The following TTLL7 variants were observed in gnomAD, a reference collection of about 807,000 sequenced individuals.
TTLL7 encodes tubulin polyglutamylase TTLL7.
A neutral mutation model predicts 120.2 loss-of-function variants in TTLL7; 53 were observed. That is an observed-to-expected ratio of 0.44 (90% CI 0.35 to 0.55). The LOEUF is 0.55. TTLL7 is among the 20% of genes least tolerant of loss of function. The pLI is 0.00. For synonymous variants in TTLL7, 353 were observed against 351.7 expected (o/e 1.00, Z -0.04); for missense variants, 803 against 1,054.7 (o/e 0.76, Z 3.31).
intron 1 of TTLL7, chr1:83,980,684 A>G (rs1029975311): frequency 6.6e-6 from 1 of 152,232 alleles, no homozygotes; most frequent in African/African-American, 2.4e-5. Flanking sequence ...TGAGATCTTC[A>G]GAAAGGAAAG....
chr1:83,905,311 T>G (rs1227250785), intron 17 of TTLL7, among the ~76,000 whole-genome samples: 1 of 151,842 alleles, frequency 6.6e-6, no homozygotes, highest in East Asian at 1.9e-4. Flanking sequence ...TTGGGGGCTT[T>G]GCTTATGACT....
chr1:83,986,373 A>T (rs1652439978), intron 1 of TTLL7, among the ~76,000 whole-genome samples: 1 of 152,218 alleles, frequency 6.6e-6, no homozygotes, highest in South Asian at 2.1e-4. Flanking sequence ...AAAATCATAC[A>T]TCCATATCAA....
chr1:83,883,982 A>G (rs1654742939), intron 19 of TTLL7, among the ~76,000 whole-genome samples: 1 of 151,842 alleles, frequency 6.6e-6, no homozygotes, highest in African/African-American at 2.4e-5. Flanking sequence ...AGCTTATTCC[A>G]AAGCAGGTAA....
At chr1:83,906,569 C>A in intron 16 of TTLL7, 106 bp from the exon 17 acceptor site, 1 of 1,517,450 alleles carries the variant, frequency 6.6e-7, no homozygotes, top group African/African-American at 1.4e-5. Flanking sequence ...TAACTGAAAA[C>A]AATAACAATG....
rs1336137516 is a variant in TTLL7 at position 83,942,484 on chromosome 1, A to G, written c.702T>C (p.Ile234=). ...GLVRMGTEKY[I]PPNESNLTQL... Reference sequence around the variant, plus strand: ...TTACCAAATTGGACTCATTAGGTGGAATGTACTTCTCTGTACCCATTCGCA... The same window carrying G: ...TTACCAAATTGGACTCATTAGGTGGGATGTACTTCTCTGTACCCATTCGCA... The change falls in exon 7 of 21, where the codon ATT becomes ATC. Residue 234 remains isoleucine (I), a synonymous_variant. Transcript: ENST00000260505. The G allele has an allele frequency of 6.2e-7, 1 of 1,613,882 alleles. No homozygotes were observed. Among genetic ancestry groups the G allele is most frequent in the South Asian group, 1.1e-5 (1 of 91,062 alleles).
At chr1:83,998,467 G>C (rs920438169) in intron 1 of TTLL7, among the ~76,000 whole-genome samples, 2 of 152,230 alleles carry the variant, frequency 1.3e-5, no homozygotes, top group Non-Finnish European at 2.9e-5. Flanking sequence ...GAGAAAGTGA[G>C]AGGTACCTAC....
chr1:83,912,448 T>C (rs1249103918), intron 14 of TTLL7: 2 of 152,204 alleles, frequency 1.3e-5, no homozygotes, highest in African/African-American at 4.8e-5. Flanking sequence ...ACACACCATA[T>C]GCCTCCTATT....
Position 83,916,713 on chromosome 1 carries a change from T to C in TTLL7, c.1587+891A>G, listed in dbSNP as rs76214814. On this transcript the variant is annotated intron_variant, in intron 14 of 20. Transcript: ENST00000260505. ...GAGATAGCATAGTAATTCTGAAATA[T>C]AAATGGAATAGAATGAAAAAAAAAT... is the stretch of plus-strand genomic sequence containing the variant. 3.0e-3 allele frequency among the ~76,000 whole-genome samples: 459 copies of C among 152,120 alleles called. 2 individuals carry two copies. Among genetic ancestry groups the C allele is most frequent in the African/African-American group, 0.01 (425 of 41,498 alleles).
intron 15 of TTLL7, among the ~76,000 whole-genome samples, chr1:83,909,563 G>C (rs1657508101): frequency 6.6e-6 from 1 of 151,846 alleles, no homozygotes; most frequent in Non-Finnish European, 1.5e-5. Flanking sequence ...CAAAGTGAAA[G>C]ACTTGTTACA....
At position 83,865,677 on chromosome 1, in the gene TTLL7, G is replaced by C. The variant is rs375607724; in HGVS notation, c.*4285C>G. 1.3e-5 allele frequency: 2 copies of C among 151,932 alleles called. No homozygotes were observed. The allele number at this position is 151,932 out of a possible 1,614,324, so 9.4% of individuals were successfully genotyped here. On this transcript the variant is annotated 3_prime_UTR_variant, in exon 21 of 21. Coordinates refer to ENST00000260505, the MANE Select transcript of TTLL7 (RefSeq NM_024686.6). ...CAATAAACGCTTTTTTAGGCATAGA[G>C]GCTTCAACCTGGTTCTTAAAAATAA...
intron 19 of TTLL7, 127 bp downstream of exon 19, chr1:83,890,194 T>C: frequency 1.1e-6 from 1 of 941,108 alleles, no homozygotes; most frequent in Non-Finnish European, 1.6e-6. Flanking sequence ...AGTTGAGTAC[T>C]AAACATTACA....
At chr1:83,988,686 T>A (rs181065708) in intron 1 of TTLL7, among the ~76,000 whole-genome samples, 1 of 152,276 alleles carries the variant, frequency 6.6e-6, no homozygotes, top group African/African-American at 2.4e-5. Flanking sequence ...CATCTTCTTT[T>A]GAGAAGTGTC....
rs539215241 is a variant in TTLL7 at position 83,987,627 on chromosome 1, C to T, written c.-177+11304G>A. ...AAACAGCAATTTGAAACAATTCTAA[C>T]GATTTTTTTTAAAACTGCTAATAAC... On this transcript the variant is annotated intron_variant, in intron 1 of 20. Coordinates refer to ENST00000260505, the MANE Select transcript of TTLL7 (RefSeq NM_024686.6). Among the ~76,000 whole-genome samples the T allele has an allele frequency of 2.6e-5, 4 of 152,034 alleles. No individual in the cohort carries two copies. In the South Asian group the frequency reaches 8.3e-4, roughly 32 times the overall value.
At chr1:83,988,099 A>G (rs905657639) in intron 1 of TTLL7, among the ~76,000 whole-genome samples, 6 of 152,084 alleles carry the variant, frequency 3.9e-5, no homozygotes, top group Non-Finnish European at 8.8e-5. Flanking sequence ...TGAGTACCCA[A>G]TGTTTAGCTG....
intron 8 of TTLL7, among the ~76,000 whole-genome samples, chr1:83,934,569 A>G (rs1482565511): frequency 1.3e-5 from 2 of 152,214 alleles, no homozygotes; most frequent in South Asian, 2.1e-4. Context: ...GAGAAAACAC[A>G]TAATACTACT....
chr1:83,943,343 A>G (rs911883198), intron 6 of TTLL7, among the ~76,000 whole-genome samples: 1 of 152,174 alleles, frequency 6.6e-6, no homozygotes, highest in Non-Finnish European at 1.5e-5. Flanking sequence ...GCCCAAGGTT[A>G]GAAGCATGCT....
chr1:83,891,381 T>C (rs1002175457), intron 18 of TTLL7, among the ~76,000 whole-genome samples: 3 of 152,076 alleles, frequency 2.0e-5, no homozygotes, highest in Non-Finnish European at 4.4e-5. Context: ...AAGATATCCA[T>C]GTAGCTGACA....
chr1:83,892,481 AATGAACATATAT>A (rs1259189719), intron 18 of TTLL7, among the ~76,000 whole-genome samples: 29 of 83,940 alleles, frequency 3.5e-4, no homozygotes, highest in Non-Finnish European at 3.9e-4. Context: ...TGAACATATG[AATGAACATATAT>A]ATGAACATAT....
Position 83,951,913 on chromosome 1 carries a change from C to A in TTLL7, c.89G>T (p.Arg30Met). ...TELPYQSTMK[R>M]KVRKKKKKGT... ...CTTCTTTTTCTTCTTTCTGACTTTC[C>A]TTTTCATTGTGCTTTGATAAGGTAA... Residue 30 changes from arginine (R) to methionine (M), a missense_variant, in exon 3 of 21, where the codon AGG becomes ATG. Around this residue, in one of 3 missense-constraint regions of TTLL7, gnomAD observed 91 missense variants for 96.6 expected, o/e 0.94. Transcript: ENST00000260505. 6.2e-7 allele frequency: 1 copy of A among 1,613,232 alleles called. No individual in the cohort carries two copies. The highest frequency in any genetic ancestry group is 8.5e-7 in the Non-Finnish European group (1 of 1,179,698).
Sources: gnomAD v4.1 joint callset for allele counts (sites outside exome capture counted in the v4.1 genomes callset) on GRCh38, gnomAD v4.1.1 for gene constraint, gnomAD v4.1.1 regional missense constraint, MANE v1.5 for transcripts, NCBI Gene and HGNC (gene_info 2026-07-23, HGNC 2026-07-21) for gene names.